The following TRPS1 variants were observed in gnomAD, a reference collection of about 807,000 sequenced individuals.
TRPS1 encodes the protein transcriptional repressor GATA binding 1.
TRPS1 carries 6 observed loss-of-function variants against 101.2 expected under a neutral mutation model. The observed-to-expected ratio is 0.06, with a 90% CI of 0.03 to 0.12. TRPS1 has a LOEUF of 0.12. Ranked by LOEUF, TRPS1 falls within the 10% of genes least tolerant of loss-of-function variation. The pLI is 1.00. For missense variants in TRPS1, 1,363 were observed against 1,567.0 expected (o/e 0.87, Z 2.20); for synonymous variants, 578 against 589.8 (o/e 0.98, Z 0.29).
At chr8:115,549,516 T>A (rs3808437) in intron 5 of TRPS1, among the ~76,000 whole-genome samples, 18 of 151,938 alleles carry the variant, frequency 1.2e-4, no homozygotes, top group African/African-American at 4.3e-4. Flanking sequence ...ATATCAAAGA[T>A]GGACGATTAG....
At chr8:115,525,053 T>C (rs1055133793) in intron 5 of TRPS1, among the ~76,000 whole-genome samples, 4 of 152,132 alleles carry the variant, frequency 2.6e-5, no homozygotes, top group African/African-American at 7.2e-5. Context: ...AAAAAATGTA[T>C]TTATTGTTAT....
At chr8:115,489,214 C>T (rs866533250) in intron 5 of TRPS1, among the ~76,000 whole-genome samples, 15 of 152,256 alleles carry the variant, frequency 9.9e-5, no homozygotes, top group Middle Eastern at 3.4e-3. Flanking sequence ...AAAATGTCAG[C>T]TTGCTTTATC....
chr8:115,471,406 C>G (rs1814466153), intron 5 of TRPS1, among the ~76,000 whole-genome samples: 1 of 152,176 alleles, frequency 6.6e-6, no homozygotes, highest in Non-Finnish European at 1.5e-5. Context: ...ATCATGAGAA[C>G]AGCAGCATTG....
chr8:115,543,046 T>C lies in TRPS1; in HGVS notation c.2700+43955A>G, dbSNP rs118051515. Reference sequence around the variant, plus strand: ...CATAAACGATTTCAGCAAGTCATTATGGCAGTTTTGAAGCAGGTTGGTGTC... The same window carrying C: ...CATAAACGATTTCAGCAAGTCATTACGGCAGTTTTGAAGCAGGTTGGTGTC... On this transcript the variant is annotated intron_variant, in intron 5 of 6. Transcript: ENST00000395715. 7.6e-3 allele frequency among the ~76,000 whole-genome samples: 1,160 copies of C among 152,288 alleles called. 52 individuals carry two copies. The highest frequency in any genetic ancestry group is 0.066 in the Admixed American group (1,016 of 15,286).
At chr8:115,522,879 GT>G (rs931001779) in intron 5 of TRPS1, among the ~76,000 whole-genome samples, 3 of 152,076 alleles carry the variant, frequency 2.0e-5, no homozygotes, top group East Asian at 1.9e-4. Flanking sequence ...TATACTTTGA[GT>G]TTTTTGTTGT....
intron 5 of TRPS1, among the ~76,000 whole-genome samples, chr8:115,536,295 C>A (rs1219442448): frequency 6.6e-6 from 1 of 151,840 alleles, no homozygotes. Context: ...CCGAGGCGGG[C>A]GGATCAGGAG....
chr8:115,521,667 AT>A (rs1314678094), intron 5 of TRPS1, among the ~76,000 whole-genome samples: 5 of 151,952 alleles, frequency 3.3e-5, no homozygotes, highest in African/African-American at 9.7e-5. Flanking sequence ...TTCCAAAAAA[AT>A]AAAAAACACC....
At chr8:115,663,721 GA>G (rs1201864123) in intron 1 of TRPS1, among the ~76,000 whole-genome samples, 17,655 of 76,842 alleles carry the variant, frequency 0.23, 1,305 homozygotes, top group African/African-American at 0.32. Context: ...CTTGGAAAAG[GA>G]AAAAAAAAAA....
chr8:115,427,969 C>A (rs1020462341), intron 5 of TRPS1, among the ~76,000 whole-genome samples: 84 of 152,272 alleles, frequency 5.5e-4, no homozygotes, highest in African/African-American at 1.9e-3. Flanking sequence ...ACTGACTTAG[C>A]CTCTCATAGC....
intron 5 of TRPS1, among the ~76,000 whole-genome samples, chr8:115,580,601 A>G (rs1339344456): frequency 6.6e-6 from 1 of 152,144 alleles, no homozygotes; most frequent in African/African-American, 2.4e-5. Context: ...AGATAGTTAT[A>G]TAGGAAATAA....
intron 5 of TRPS1, among the ~76,000 whole-genome samples, chr8:115,452,342 G>A (rs1291417581): frequency 1.3e-5 from 2 of 152,188 alleles, no homozygotes; most frequent in South Asian, 2.1e-4. Context: ...GGTCAGACCC[G>A]CAGAGAGGAA....
At chr8:115,546,787 A>C (rs1816584433) in intron 5 of TRPS1, among the ~76,000 whole-genome samples, 1 of 152,222 alleles carries the variant, frequency 6.6e-6, no homozygotes, top group Non-Finnish European at 1.5e-5. Flanking sequence ...GAGCTGAATA[A>C]GCAACTTTAG....
At chr8:115,570,391 T>C (rs1026227997) in intron 5 of TRPS1, among the ~76,000 whole-genome samples, 2 of 152,048 alleles carry the variant, frequency 1.3e-5, no homozygotes, top group Non-Finnish European at 2.9e-5. Context: ...AAATAAAATA[T>C]GGTTTTCCAA....
intron 5 of TRPS1, among the ~76,000 whole-genome samples, chr8:115,464,260 C>T (rs935698733): frequency 1.3e-5 from 2 of 151,994 alleles, no homozygotes; most frequent in Non-Finnish European, 2.9e-5. Context: ...CTGCTTTGTC[C>T]ACCCTGGCAA....
At chr8:115,528,182 T>C (rs1816046071) in intron 5 of TRPS1, among the ~76,000 whole-genome samples, 1 of 152,092 alleles carries the variant, frequency 6.6e-6, no homozygotes, top group African/African-American at 2.4e-5. Flanking sequence ...AGGCTGATTA[T>C]TTACTAAACT....
At chr8:115,667,497 G>A (rs1313817549) in intron 1 of TRPS1, among the ~76,000 whole-genome samples, 1 of 152,184 alleles carries the variant, frequency 6.6e-6, no homozygotes, top group Non-Finnish European at 1.5e-5. Flanking sequence ...ATGTCCCACC[G>A]CTGTCAGGCA....
At chr8:115,646,016 T>C (rs191048200) in intron 1 of TRPS1, among the ~76,000 whole-genome samples, 5 of 152,284 alleles carry the variant, frequency 3.3e-5, no homozygotes, top group Admixed American at 2.6e-4. Context: ...ATCCTAAATA[T>C]AATTGTTAAA....
intron 5 of TRPS1, among the ~76,000 whole-genome samples, chr8:115,469,098 G>C (rs575491285): frequency 6.6e-6 from 1 of 152,278 alleles, no homozygotes; most frequent in South Asian, 2.1e-4. Flanking sequence ...CCATTATCTT[G>C]TCACTGCATT....
chr8:115,637,235 T>C, intron 1 of TRPS1: 1 of 984,908 alleles, frequency 1.0e-6, no homozygotes, highest in Non-Finnish European at 1.2e-6. Context: ...ATGGCTCACA[T>C]GGAAGACGTG....
Sources: gnomAD v4.1 joint callset for allele counts (sites outside exome capture counted in the v4.1 genomes callset) on GRCh38, gnomAD v4.1.1 for gene constraint, MANE v1.5 for transcripts, NCBI Gene and HGNC (gene_info 2026-07-23, HGNC 2026-07-21) for gene names.